The following ZNF469 variants were observed in gnomAD, a reference collection of about 807,000 sequenced individuals.
ZNF469 encodes zinc finger protein 469.
Under a neutral mutation model 1.0 loss-of-function variants are expected in ZNF469, and 1 was observed. That is an observed-to-expected ratio of 1.00 (90% confidence interval 0.35 to 4.73). The LOEUF (loss-of-function observed/expected upper bound fraction) is 4.73. Ranked by LOEUF, ZNF469 falls within the 30% of genes most tolerant of loss-of-function variation. ZNF469 has a pLI of 0.16. For synonymous variants in ZNF469, 2,703 were observed against 2,363.4 expected, an observed-to-expected ratio of 1.14 and a Z score of -4.17; for missense variants, 6,100 against 5,356.3, an observed-to-expected ratio of 1.14 and a Z score of -4.33.
At chr16:88,359,404 G>A in the ZNF469 span, among the ~76,000 whole-genome samples, 7 of 151,764 alleles carry the variant, frequency 4.6e-5, no homozygotes, top group African/African-American at 1.2e-4. Flanking sequence ...AGTGTCCCGC[G>A]GGCTCGGTAT....
upstream of ZNF469, among the ~76,000 whole-genome samples, chr16:88,381,252 TCACA>T: frequency 1.3e-5 from 1 of 77,840 alleles, no homozygotes; most frequent in South Asian, 4.2e-4. Flanking sequence ...AGACATGCAC[TCACA>T]CGCACTCACA....
In ZNF469 at chr16:88,435,148, G is replaced by A. The variant is rs998219753; in HGVS notation, c.7678G>A (p.Glu2560Lys). 10 of 1,550,192 alleles carry A rather than the reference G, an allele frequency of 6.5e-6. No homozygotes were observed. Among genetic ancestry groups the A allele is most frequent in the Non-Finnish European group, 8.7e-6 (10 of 1,146,974 alleles). Residue 2560 changes from glutamate (E) to lysine (K), a missense_variant, in exon 3 of 3, where the codon GAG (glutamate) becomes AAG (lysine). Coordinates refer to ENST00000565624, the MANE Select transcript of ZNF469 (RefSeq NM_001367624.2). ...GCCACCGCCTGCCCAGGGCTCAAAGGAGGTTCTCAGAGCACCGGGGTCCCC... is the reference window on the plus strand; with the variant it reads ...GCCACCGCCTGCCCAGGGCTCAAAGAAGGTTCTCAGAGCACCGGGGTCCCC... ...TQPPPAQGSK[E>K]VLRAPGSPHS...
the ZNF469 span, among the ~76,000 whole-genome samples, chr16:88,333,609 C>T: frequency 7.2e-3 from 1,091 of 152,296 alleles, 12 homozygotes; most frequent in African/African-American, 0.025. Flanking sequence ...AACTTGGAGA[C>T]ATTTCCTTCC....
the ZNF469 span, among the ~76,000 whole-genome samples, chr16:88,139,101 G>C: frequency 6.6e-6 from 1 of 152,254 alleles, no homozygotes; most frequent in African/African-American, 2.4e-5. Flanking sequence ...GACTAGAAAT[G>C]AAGAGTGAAA....
upstream of ZNF469, among the ~76,000 whole-genome samples, chr16:88,379,449 C>G (rs1350383320): frequency 6.6e-6 from 1 of 152,056 alleles, no homozygotes; most frequent in Admixed American, 6.5e-5. Context: ...CGTGGCCCTC[C>G]TTTTCAGCTC....
At chr16:88,113,044 C>G in the ZNF469 span, among the ~76,000 whole-genome samples, 1 of 152,026 alleles carries the variant, frequency 6.6e-6, no homozygotes, top group Non-Finnish European at 1.5e-5. Context: ...TCCCAAAGTG[C>G]TGGGATTACA....
chr16:88,261,092 G>A, the ZNF469 span, among the ~76,000 whole-genome samples: 9 of 152,102 alleles, frequency 5.9e-5, no homozygotes, highest in South Asian at 2.1e-4. The surrounding 1 kb of genome is among the most constrained non-coding windows in gnomAD (Gnocchi z 6.0). Context: ...GATGCGGTCC[G>A]GAGAGGCTCG....
At chr16:88,122,296 G>GCA in the ZNF469 span, among the ~76,000 whole-genome samples, 13 of 142,194 alleles carry the variant, frequency 9.1e-5, no homozygotes, top group African/African-American at 3.1e-4. Flanking sequence ...CGGCCACGAT[G>GCA]GCCCCTTGGA....
At chr16:88,103,164 G>A in the ZNF469 span, among the ~76,000 whole-genome samples, 1 of 151,612 alleles carries the variant, frequency 6.6e-6, no homozygotes, top group Non-Finnish European at 1.5e-5. Flanking sequence ...CCTGGGTAGA[G>A]CAGGAACAGG....
At chr16:88,343,399 C>T in the ZNF469 span, among the ~76,000 whole-genome samples, 1 of 152,234 alleles carries the variant, frequency 6.6e-6, no homozygotes, top group Non-Finnish European at 1.5e-5. Flanking sequence ...TACATAGACG[C>T]TTGCCCAGGA....
chr16:88,167,073 TTTTTC>T, the ZNF469 span, among the ~76,000 whole-genome samples: 15 of 143,312 alleles, frequency 1.0e-4, no homozygotes, highest in African/African-American at 3.7e-4. Context: ...TTTTTTTTTT[TTTTTC>T]TAAGAGGGAA....
At chr16:88,406,689 G>A (rs543235601) in intron 1 of ZNF469, among the ~76,000 whole-genome samples, 1 of 152,342 alleles carries the variant, frequency 6.6e-6, no homozygotes, top group East Asian at 1.9e-4. Context: ...CTGTGTGCAT[G>A]TCTGCGGCCC....
At chr16:88,279,465 C>T in the ZNF469 span, among the ~76,000 whole-genome samples, 12 of 148,016 alleles carry the variant, frequency 8.1e-5, no homozygotes, top group African/African-American at 3.0e-4. Flanking sequence ...CTGTGTCACG[C>T]CGACGCTCGG....
the ZNF469 span, among the ~76,000 whole-genome samples, chr16:88,302,861 A>G: frequency 6.6e-6 from 1 of 152,144 alleles, no homozygotes; most frequent in Non-Finnish European, 1.5e-5. Context: ...GGCCACCACT[A>G]CAGAACCCCT....
At chr16:88,392,209 G>A (rs556125735) in intron 1 of ZNF469, among the ~76,000 whole-genome samples, 10 of 152,364 alleles carry the variant, frequency 6.6e-5, no homozygotes, top group East Asian at 5.8e-4. Flanking sequence ...TCAGGAAGTC[G>A]CGTGCGCTCT....
chr16:88,247,922 TC>T, the ZNF469 span, among the ~76,000 whole-genome samples: 1 of 152,236 alleles, frequency 6.6e-6, no homozygotes, highest in Non-Finnish European at 1.5e-5. Flanking sequence ...CTGCCAGACA[TC>T]CAAATTGCTG....
At chr16:88,422,019 G>A (rs1276643804) in intron 1 of ZNF469, among the ~76,000 whole-genome samples, 1 of 151,138 alleles carries the variant, frequency 6.6e-6, no homozygotes, top group South Asian at 2.1e-4. Context: ...GTGGGTAGAT[G>A]AATGGGTGAG....
chr16:88,229,852 C>T, the ZNF469 span, among the ~76,000 whole-genome samples: 2 of 152,324 alleles, frequency 1.3e-5, no homozygotes, highest in African/African-American at 4.8e-5. Context: ...GGAGGGTGAA[C>T]AGCAGGGACC....
chr16:88,200,302 C>T, the ZNF469 span, among the ~76,000 whole-genome samples: 4 of 152,206 alleles, frequency 2.6e-5, no homozygotes, highest in Admixed American at 2.0e-4. Flanking sequence ...CAGCCCAAGA[C>T]GAGGGACATC....
Sources: gnomAD v4.1 joint callset for allele counts (sites outside exome capture counted in the v4.1 genomes callset) on GRCh38, gnomAD v4.1.1 for gene constraint, Gnocchi (gnomAD v3.1) non-coding constraint, MANE v1.5 for transcripts, NCBI Gene and HGNC (gene_info 2026-07-23, HGNC 2026-07-21) for gene names.